Variants in SPEF2 observed in about 807,000 individuals in gnomAD.
SPEF2 encodes the protein sperm flagella and cilia-associated protein 2.
SPEF2 carries 187 observed loss-of-function variants against 224.6 expected under a neutral mutation model. That is an observed-to-expected ratio of 0.83 (90% CI 0.74 to 0.94). The LOEUF (loss-of-function observed/expected upper bound fraction) is 0.94, where lower values mean the gene tolerates loss of function less well. Among genes scored for constraint, SPEF2 ranks in the 40% least tolerant of loss-of-function variants. The probability of loss-of-function intolerance (pLI) is 0.00; values close to 1 mark genes in which losing one functional copy is unlikely to be tolerated. For missense variants in SPEF2, 2,170 were observed against 2,135.6 expected (o/e 1.02, Z -0.32); for synonymous variants, 715 against 707.3 (o/e 1.01, Z -0.17).
At chr5:35,812,099 T>G (rs894170796) in intron 36 of SPEF2, among the ~76,000 whole-genome samples, 20 of 152,146 alleles carry the variant, frequency 1.3e-4, no homozygotes, top group Non-Finnish European at 2.1e-4. Context: ...CCCATTACTT[T>G]TGATGGCAAA....
intron 2 of SPEF2, among the ~76,000 whole-genome samples, chr5:35,630,600 G>T (rs1198945116): frequency 1.3e-5 from 2 of 152,194 alleles, no homozygotes; most frequent in African/African-American, 4.8e-5. Flanking sequence ...TGAGGCTGAG[G>T]CAGGAGAATG....
At chr5:35,743,957 CA>C (rs1748071134) in intron 23 of SPEF2, among the ~76,000 whole-genome samples, 1 of 152,190 alleles carries the variant, frequency 6.6e-6, no homozygotes, top group East Asian at 1.9e-4. Context: ...AAGAAGCCAA[CA>C]TAGTAAGCAG....
chr5:35,763,272 A>C (rs1180113704), intron 25 of SPEF2, among the ~76,000 whole-genome samples: 2 of 152,080 alleles, frequency 1.3e-5, no homozygotes, highest in Non-Finnish European at 2.9e-5. Flanking sequence ...ATAATTACTG[A>C]GAATTAAGTC....
At chr5:35,693,399 A>G (rs1434290061) in intron 12 of SPEF2, among the ~76,000 whole-genome samples, 1 of 152,136 alleles carries the variant, frequency 6.6e-6, no homozygotes, top group Admixed American at 6.5e-5. Flanking sequence ...GAGCTGTAGT[A>G]TGCTGACACC....
In SPEF2 at chr5:35,618,051, C is replaced by G; in HGVS notation, c.54C>G (p.Thr18=). Residue 18 remains threonine, a synonymous_variant, in exon 1 of 37, where the codon ACC becomes ACG. Coordinates refer to ENST00000356031, the MANE Select transcript of SPEF2 (RefSeq NM_024867.4). ...ACAAGGAGTTGAAGGTGTCCCGGAC[C>G]GTGAGTGAGTGACCACGGCCAGGGG... The part of the protein sequence containing the change: ...WLNKELKVSR[T]VSPKSFAKAF... 2 of 1,583,906 alleles carry G rather than the reference C, an allele frequency of 1.3e-6. No individual in the cohort carries two copies. The highest frequency in any genetic ancestry group is 1.3e-5 in the African/African-American group (1 of 74,230).
At chr5:35,813,290 T>C (rs1758650085) in intron 36 of SPEF2, among the ~76,000 whole-genome samples, 1 of 152,054 alleles carries the variant, frequency 6.6e-6, no homozygotes, top group Non-Finnish European at 1.5e-5. Context: ...GCCAGGTGTT[T>C]GAGAGAAACC....
intron 2 of SPEF2, among the ~76,000 whole-genome samples, chr5:35,633,318 G>T (rs1181600781): frequency 1.3e-5 from 2 of 151,920 alleles, no homozygotes; most frequent in Non-Finnish European, 2.9e-5. Context: ...TGGCTCCATT[G>T]TTAGATGCAT....
intron 4 of SPEF2, 72 bp downstream of exon 4, chr5:35,644,597 A>C (rs1747088389): frequency 3.4e-6 from 4 of 1,187,002 alleles, no homozygotes; most frequent in Non-Finnish European, 4.6e-6. Flanking sequence ...CGTATAGTAC[A>C]CATTGCATAA....
chr5:35,708,320 ACCCCACCTC>A (rs2149586649), intron 18 of SPEF2, among the ~76,000 whole-genome samples: 1 of 151,320 alleles, frequency 6.6e-6, no homozygotes, highest in South Asian at 2.1e-4. Flanking sequence ...TTTCCTCCTC[ACCCCACCTC>A]TTGTATTACA....
chr5:35,660,166 A>C (rs1045959196), intron 8 of SPEF2, among the ~76,000 whole-genome samples: 16 of 152,180 alleles, frequency 1.1e-4, no homozygotes, highest in Admixed American at 9.2e-4. Flanking sequence ...TTCTAGTAAA[A>C]AAAAATAGAT....
chr5:35,726,656 T>C (rs981332572), intron 20 of SPEF2, among the ~76,000 whole-genome samples: 1 of 152,220 alleles, frequency 6.6e-6, no homozygotes, highest in Non-Finnish European at 1.5e-5. Flanking sequence ...AGCATTATCA[T>C]TAAATAATAC....
chr5:35,753,790 G>T (rs1327207169), intron 24 of SPEF2, 29 bp downstream of exon 24: 3 of 1,613,108 alleles, frequency 1.9e-6, no homozygotes, highest in African/African-American at 2.7e-5. Flanking sequence ...AATAACCCAG[G>T]CACTTCCCTT....
At position 35,654,582 on chromosome 5, in the gene SPEF2, C is replaced by T. The variant is rs771745625; in HGVS notation, c.834C>T (p.Thr278=). The change falls in exon 7 of 37, where the codon ACC becomes ACT. Residue 278 remains threonine (T), a synonymous_variant. Transcript: ENST00000356031. ...TSLDTAGQTT[T]DLLNTYSDDE... ...TAGATACAGCAGGCCAGACAACCACCGATTTGTTAAATACTTACTCAGATG... is the reference window on the plus strand; with the variant it reads ...TAGATACAGCAGGCCAGACAACCACTGATTTGTTAAATACTTACTCAGATG... The T allele has an allele frequency of 2.6e-5, 41 of 1,607,764 alleles. No homozygotes were observed. Among genetic ancestry groups the T allele is most frequent in the Non-Finnish European group, 3.5e-5 (41 of 1,178,262 alleles).
At chr5:35,784,058 T>G (rs1754726562) in intron 30 of SPEF2, among the ~76,000 whole-genome samples, 1 of 152,140 alleles carries the variant, frequency 6.6e-6, no homozygotes, top group Non-Finnish European at 1.5e-5. Context: ...ATTTATTTAT[T>G]CAAGGCCTGT....
rs748148260 is a variant in SPEF2, at chr5:35,700,761, G to A, written c.2398+9G>A. 1.7e-5 allele frequency: 28 copies of A among 1,611,724 alleles called. No individual in the cohort carries two copies. The highest frequency in any genetic ancestry group is 2.4e-5 in the Non-Finnish European group (28 of 1,178,562). On this transcript the variant is annotated intron_variant, in intron 16 of 36. Transcript: ENST00000356031. Reference sequence around the variant, plus strand: ...CATGAATGATATTATAGGTAAGCTGGACACCTTTTTTGACACTCTTTTTAC... The same window carrying A: ...CATGAATGATATTATAGGTAAGCTGAACACCTTTTTTGACACTCTTTTTAC...
chr5:35,727,839 A>C lies in SPEF2; in HGVS notation c.3063+16A>C. On this transcript the variant is annotated intron_variant, in intron 21 of 36. Transcript: ENST00000356031. The stretch of plus-strand genomic sequence containing the variant: ...AGTTCCTGAGGTATGGCCATTTAGA[A>C]TCAAGCTGGCAGAATTCATTCTTTC... The C allele has an allele frequency of 1.2e-6, 2 of 1,604,940 alleles. No individual in the cohort carries two copies. The highest frequency in any genetic ancestry group is 1.7e-6 in the Non-Finnish European group (2 of 1,176,656).
chr5:35,773,922 C>G lies in SPEF2; in HGVS notation c.3979C>G (p.Pro1327Ala). ...GKSPPMAEATPVIVTTEEIAE... is the reference protein window; with the variant it reads ...GKSPPMAEATAVIVTTEEIAE... ...ATCACCACCTATGGCAGAAGCAACT[C>G]CTGTCATAGTAACAACAGAGGAAAT... The change falls in exon 28 of 37, where the codon CCT becomes GCT. Residue 1327 changes from proline to alanine, a missense_variant. By Grantham distance (27) the Pro-to-Ala change is conservative (BLOSUM62 -1). Transcript: ENST00000356031. 6.2e-7 allele frequency: 1 copy of G among 1,612,928 alleles called. No individual in the cohort carries two copies. The highest frequency in any genetic ancestry group is 1.1e-5 in the South Asian group (1 of 90,934).
At chr5:35,751,080 C>CGT (rs1749529999) in intron 23 of SPEF2, among the ~76,000 whole-genome samples, 19 of 43,744 alleles carry the variant, frequency 4.3e-4, no homozygotes, top group East Asian at 6.8e-4. Flanking sequence ...TATATATATA[C>CGT]ACACACACAC....
chr5:35,714,760 A>G (rs1742208932), intron 20 of SPEF2, among the ~76,000 whole-genome samples: 1 of 151,262 alleles, frequency 6.6e-6, no homozygotes, highest in African/African-American at 2.4e-5. Flanking sequence ...GTATCTTACA[A>G]CTTAAATTAA....
Sources: gnomAD v4.1 joint callset for allele counts (sites outside exome capture counted in the v4.1 genomes callset) on GRCh38, gnomAD v4.1.1 for gene constraint, MANE v1.5 for transcripts, NCBI Gene and HGNC (gene_info 2026-07-23, HGNC 2026-07-21) for gene names.